Variants in DLGAP2 observed in about 807,000 individuals in gnomAD.
DLGAP2 encodes disks large-associated protein 2.
In DLGAP2, 26 loss-of-function variants were observed where a neutral mutation model predicts 100.3. The observed-to-expected ratio is 0.26, with a 90% confidence interval of 0.19 to 0.36. The LOEUF (loss-of-function observed/expected upper bound fraction) is 0.36. Ranked by LOEUF, DLGAP2 falls within the 10% of genes least tolerant of loss-of-function variation. DLGAP2 has a pLI of 1.00. For synonymous variants in DLGAP2, 886 were observed against 630.1 expected (o/e 1.41, Z -6.08); for missense variants, 1,858 against 1,453.2 (o/e 1.28, Z -4.53).
chr8:1,104,108 C>A (rs1360503406), intron 2 of DLGAP2, among the ~76,000 whole-genome samples: 1 of 152,186 alleles, frequency 6.6e-6, no homozygotes, highest in Non-Finnish European at 1.5e-5. Flanking sequence ...TTCCTTCATG[C>A]CAAGGCAGAG....
intron 8 of DLGAP2, among the ~76,000 whole-genome samples, chr8:1,661,341 G>T (rs1270845747): frequency 6.6e-6 from 1 of 152,176 alleles, no homozygotes; most frequent in East Asian, 1.9e-4. Flanking sequence ...GCCAGTAGGA[G>T]CACTGAGAAG....
At chr8:912,645 C>G (rs1359316303) in intron 2 of DLGAP2, among the ~76,000 whole-genome samples, 8 of 147,874 alleles carry the variant, frequency 5.4e-5, no homozygotes, top group Admixed American at 5.4e-4. Flanking sequence ...GGAGCTGAGC[C>G]CCACACCACA....
At chr8:786,495 A>G (rs981203396) in intron 1 of DLGAP2, among the ~76,000 whole-genome samples, 9 of 152,312 alleles carry the variant, frequency 5.9e-5, no homozygotes, top group African/African-American at 1.7e-4. Flanking sequence ...CCACCCCCAC[A>G]TAAGTGTAAA....
intron 2 of DLGAP2, among the ~76,000 whole-genome samples, chr8:1,025,403 G>T (rs1383057488): frequency 6.6e-6 from 1 of 152,172 alleles, no homozygotes; most frequent in Non-Finnish European, 1.5e-5. Context: ...GGATGACAAA[G>T]ATTAATAAAA....
intron 2 of DLGAP2, among the ~76,000 whole-genome samples, chr8:1,090,397 T>A (rs1344701617): frequency 6.6e-6 from 1 of 152,080 alleles, no homozygotes; most frequent in Non-Finnish European, 1.5e-5. Context: ...ACCTGCTCCA[T>A]GTCTGCACTC....
At chr8:1,429,613 C>CGTGG (rs1797350207) in intron 3 of DLGAP2, among the ~76,000 whole-genome samples, 1 of 152,050 alleles carries the variant, frequency 6.6e-6, no homozygotes, top group Non-Finnish European at 1.5e-5. Context: ...CAGTCATCCA[C>CGTGG]AGCCACTGAG....
Position 1,616,185 on chromosome 8 carries a change from A to G in DLGAP2, c.1443-10555A>G, listed in dbSNP as rs1489353696. Among the ~76,000 whole-genome samples the G allele has an allele frequency of 2.6e-5, 4 of 152,316 alleles. No homozygotes were observed. The East Asian group carries it at 7.7e-4, about 29-fold the overall frequency. On this transcript the variant is annotated intron_variant, in intron 6 of 14. Transcript: ENST00000637795. ...AAGCTTAGTAATTTGAAAATGAAACAGTAGATATTCTCAAATATGAAAAAG... is the reference window on the plus strand; with the variant it reads ...AAGCTTAGTAATTTGAAAATGAAACGGTAGATATTCTCAAATATGAAAAAG...
intron 8 of DLGAP2, among the ~76,000 whole-genome samples, chr8:1,655,782 C>A (rs1798270004): frequency 6.6e-6 from 1 of 152,224 alleles, no homozygotes; most frequent in African/African-American, 2.4e-5. Context: ...GAAGGACCTT[C>A]ATGATCAGAG....
intron 1 of DLGAP2, among the ~76,000 whole-genome samples, chr8:814,291 G>A (rs934374002): frequency 2.6e-5 from 4 of 152,156 alleles, no homozygotes; most frequent in Non-Finnish European, 4.4e-5. Flanking sequence ...GACACACTTG[G>A]CTCCAGATGC....
chr8:1,139,485 G>A (rs112358778), intron 2 of DLGAP2, among the ~76,000 whole-genome samples: 1 of 152,180 alleles, frequency 6.6e-6, no homozygotes, highest in East Asian at 1.9e-4. Context: ...GTGGAGCAAG[G>A]GGCCTCCCTC....
intron 2 of DLGAP2, among the ~76,000 whole-genome samples, chr8:1,255,798 GGTGCT>G (rs1799192063): frequency 7.1e-6 from 1 of 140,368 alleles, no homozygotes; most frequent in African/African-American, 2.7e-5. Context: ...ATCCTGCCTG[GGTGCT>G]ATGTGTGTGT....
intron 2 of DLGAP2, among the ~76,000 whole-genome samples, chr8:978,662 C>A (rs1294471543): frequency 6.6e-6 from 1 of 151,016 alleles, no homozygotes; most frequent in Non-Finnish European, 1.5e-5. Context: ...GGGTTCTGGT[C>A]TTTGGTGTTG....
intron 3 of DLGAP2, among the ~76,000 whole-genome samples, chr8:1,329,383 TATTA>T (rs1277908664): frequency 1.3e-5 from 2 of 152,248 alleles, no homozygotes; most frequent in Non-Finnish European, 2.9e-5. Flanking sequence ...TTCAATGTTT[TATTA>T]ATTAATTGGT....
intron 2 of DLGAP2, among the ~76,000 whole-genome samples, chr8:1,155,234 G>A (rs1796759813): frequency 6.6e-6 from 1 of 152,204 alleles, no homozygotes; most frequent in Non-Finnish European, 1.5e-5. Context: ...GTGAACAGAT[G>A]CGTGAATGAC....
intron 2 of DLGAP2, among the ~76,000 whole-genome samples, chr8:1,153,823 A>G (rs993383398): frequency 6.6e-6 from 1 of 152,146 alleles, no homozygotes; most frequent in Non-Finnish European, 1.5e-5. Flanking sequence ...GTAAAATTTC[A>G]CCACCTAAGG....
chr8:1,274,322 C>T (rs939964917), intron 3 of DLGAP2, among the ~76,000 whole-genome samples: 2 of 152,156 alleles, frequency 1.3e-5, no homozygotes, highest in Non-Finnish European at 2.9e-5. Context: ...CCCACACAGA[C>T]TCTCATGTGA....
At chr8:1,476,621 C>G (rs767578183) in intron 3 of DLGAP2, among the ~76,000 whole-genome samples, 5 of 152,146 alleles carry the variant, frequency 3.3e-5, no homozygotes, top group African/African-American at 9.7e-5. Flanking sequence ...GCCAGTCTCT[C>G]CCCCTCTCCT....
intron 2 of DLGAP2, among the ~76,000 whole-genome samples, chr8:912,660 C>T (rs1476344363): frequency 1.3e-5 from 2 of 150,932 alleles, no homozygotes; most frequent in Non-Finnish European, 3.0e-5. Context: ...ACCACAGTGT[C>T]CATCTTCCTA....
intron 13 of DLGAP2, among the ~76,000 whole-genome samples, chr8:1,696,214 G>T (rs1799395064): frequency 6.6e-6 from 1 of 152,164 alleles, no homozygotes; most frequent in East Asian, 1.9e-4. Context: ...TTCAATGTAG[G>T]GAGCAAGCCG....
Sources: allele counts gnomAD v4.1 joint callset (sites outside exome capture counted in the v4.1 genomes callset), GRCh38; gene constraint gnomAD v4.1.1; transcripts MANE v1.5; gene names NCBI Gene and HGNC (gene_info 2026-07-23, HGNC 2026-07-21).